The following CSMD2 variants were observed in gnomAD, a reference collection of about 807,000 sequenced individuals.
CSMD2 encodes the protein CUB and Sushi multiple domains 2.
Under a neutral mutation model 398.5 loss-of-function variants are expected in CSMD2, and 130 were observed. That is an observed-to-expected ratio of 0.33 (90% CI 0.28 to 0.38). CSMD2 has a LOEUF of 0.38. Ranked by LOEUF, CSMD2 falls within the 10% of genes least tolerant of loss-of-function variation. The pLI, the probability that CSMD2 is intolerant of heterozygous loss-of-function variation, is 1.00. For missense variants in CSMD2, 3,829 were observed against 4,764.9 expected (o/e 0.80, Z 5.78); for synonymous variants, 1,828 against 1,908.5 (o/e 0.96, Z 1.10).
At chr1:33,564,914 T>C (rs1493994) in intron 53 of CSMD2, among the ~76,000 whole-genome samples, 73,250 of 152,036 alleles carry the variant, frequency 0.48, 18,005 homozygotes, top group Admixed American at 0.63. Context: ...TGAAGAATTA[T>C]CCAAATTACT....
In CSMD2 at chr1:33,571,638, C is replaced by T; in HGVS notation, c.7851G>A (p.Gln2617=). ...AGCCAGGGTCACAGATGAGCATCAG[C>T]TGGGCCTGGAACTGATACTGTGTCT... ...IFETQYQFQA[Q]LMLICDPGYY... Residue 2617 remains glutamine, a synonymous_variant, in exon 51 of 71, where the codon CAG becomes CAA. Transcript: ENST00000373381. 6.3e-7 allele frequency: 1 copy of T among 1,591,136 alleles called. No individual in the cohort carries two copies. Among genetic ancestry groups the T allele is most frequent in the East Asian group, 2.3e-5 (1 of 44,398 alleles).
At chr1:33,822,221 T>G (rs1307190039) in intron 7 of CSMD2, among the ~76,000 whole-genome samples, 2 of 151,936 alleles carry the variant, frequency 1.3e-5, no homozygotes, top group African/African-American at 2.4e-5. Context: ...CAGGAATGGA[T>G]GTGGCAAAGA....
intron 3 of CSMD2, among the ~76,000 whole-genome samples, chr1:33,954,946 T>TA (rs796923135): frequency 9.9e-5 from 15 of 152,274 alleles, no homozygotes; most frequent in African/African-American, 3.6e-4. Flanking sequence ...ACTCCACACT[T>TA]AAAAATGGTT....
intron 13 of CSMD2, chr1:33,772,327 T>G: frequency 4.7e-6 from 2 of 428,458 alleles, no homozygotes; most frequent in Non-Finnish European, 4.2e-6. Context: ...CCAAGAAGGG[T>G]AAGACGGTGT....
At chr1:33,704,932 T>A (rs889237318) in intron 22 of CSMD2, among the ~76,000 whole-genome samples, 18 of 151,322 alleles carry the variant, frequency 1.2e-4, no homozygotes, top group African/African-American at 4.1e-4. Flanking sequence ...CCCGCTAATT[T>A]TTTTTTTTTT....
chr1:33,916,717 A>C (rs1643741136), intron 5 of CSMD2, among the ~76,000 whole-genome samples: 2 of 152,102 alleles, frequency 1.3e-5, no homozygotes, highest in Admixed American at 1.3e-4. Flanking sequence ...TAGTTCCCAA[A>C]TCTGAGCCTA....
At chr1:33,538,749 C>T (rs925644039) in intron 60 of CSMD2, among the ~76,000 whole-genome samples, 11 of 152,104 alleles carry the variant, frequency 7.2e-5, no homozygotes, top group Middle Eastern at 3.2e-3. Context: ...AAGTAATGAG[C>T]GATCTTTTAA....
At chr1:33,630,419 C>T (rs1442724418) in intron 32 of CSMD2, among the ~76,000 whole-genome samples, 2 of 152,156 alleles carry the variant, frequency 1.3e-5, no homozygotes, top group Non-Finnish European at 2.9e-5. Context: ...TTACAAAACT[C>T]ATTTACTCCT....
chr1:33,741,298 G>A (rs555571433), intron 14 of CSMD2, among the ~76,000 whole-genome samples: 1 of 152,140 alleles, frequency 6.6e-6, no homozygotes, highest in African/African-American at 2.4e-5. Flanking sequence ...CTCAGCCTCA[G>A]TGATCATCAG....
At chr1:33,583,405 G>A (rs551252241) in intron 47 of CSMD2, among the ~76,000 whole-genome samples, 1 of 152,308 alleles carries the variant, frequency 6.6e-6, no homozygotes, top group Admixed American at 6.5e-5. Context: ...GGCTTTGAGT[G>A]GGAGCTAGAG....
chr1:33,600,621 C>G, intron 44 of CSMD2: 2 of 563,380 alleles, frequency 3.5e-6, no homozygotes, highest in Non-Finnish European at 6.3e-6. Context: ...AAGGTTTGGG[C>G]TTCTGTGCCT....
Position 34,158,226 on chromosome 1 carries a change from G to GCCTC in CSMD2, c.187+6684_187+6685insGAGG, listed in dbSNP as rs1220827191. Among the ~76,000 whole-genome samples, 41 of 152,290 alleles carry GCCTC rather than the reference G, an allele frequency of 2.7e-4. 1 individual carries two copies. In the East Asian group the frequency reaches 7.9e-3, roughly 29 times the overall value. On this transcript the variant is annotated intron_variant, in intron 1 of 70. Coordinates refer to ENST00000373381, the MANE Select transcript of CSMD2 (RefSeq NM_001281956.2). ...ATAGCCCACTCTTTGCTTTCTGTGG[G>GCCTC]TCCAAGGGAAAACCAAGCCCTTCTC...
intron 5 of CSMD2, among the ~76,000 whole-genome samples, chr1:33,894,404 G>A (rs1642244668): frequency 6.6e-6 from 1 of 152,194 alleles, no homozygotes; most frequent in Non-Finnish European, 1.5e-5. Context: ...CTTTGCCCAT[G>A]TGCACAGCAG....
intron 15 of CSMD2, 77 bp downstream of exon 15, chr1:33,739,063 T>G: frequency 7.1e-7 from 1 of 1,417,122 alleles, no homozygotes; most frequent in Non-Finnish European, 9.6e-7. Flanking sequence ...GGAACCACCA[T>G]GGCCTGGGCT....
chr1:33,546,290 A>G (rs1283013112), intron 56 of CSMD2, 71 bp from the exon 57 acceptor site: 6 of 1,480,584 alleles, frequency 4.1e-6, no homozygotes, highest in Non-Finnish European at 2.7e-6. Context: ...CAGGGGAGAA[A>G]GATACTGGGA....
rs2149220260 is a variant in CSMD2, at chr1:33,730,711, G to T, written c.2369-4026C>A. 2.6e-5 allele frequency among the ~76,000 whole-genome samples: 4 copies of T among 152,172 alleles called. 1 individual carries two copies. In the South Asian group the frequency reaches 8.3e-4, roughly 32 times the overall value. ...TTTGGGACTCTTAGGCATGTCCTAT[G>T]AATTGGGAAATTATATTAATGGTGT... On this transcript the variant is annotated intron_variant, in intron 15 of 70. Coordinates refer to ENST00000373381, the MANE Select transcript of CSMD2 (RefSeq NM_001281956.2).
At chr1:33,608,100 G>C (rs548466198) in intron 41 of CSMD2, among the ~76,000 whole-genome samples, 103 of 152,244 alleles carry the variant, frequency 6.8e-4, no homozygotes, top group Non-Finnish European at 1.0e-3. Flanking sequence ...CTTGTGCAGG[G>C]TGGCCATAGT....
chr1:34,108,415 A>G (rs1212580180), intron 1 of CSMD2, among the ~76,000 whole-genome samples: 1 of 152,136 alleles, frequency 6.6e-6, no homozygotes, highest in African/African-American at 2.4e-5. Flanking sequence ...CCCTCTATCT[A>G]TGGAATGAGG....
intron 3 of CSMD2, among the ~76,000 whole-genome samples, chr1:34,031,535 A>G (rs1650417068): frequency 6.6e-6 from 1 of 152,060 alleles, no homozygotes; most frequent in East Asian, 1.9e-4. Context: ...CCTTTAGTTA[A>G]AAATAACTGA....
Sources: gnomAD v4.1 joint callset for allele counts (sites outside exome capture counted in the v4.1 genomes callset) on GRCh38, gnomAD v4.1.1 for gene constraint, MANE v1.5 for transcripts, NCBI Gene and HGNC (gene_info 2026-07-23, HGNC 2026-07-21) for gene names.